RBFOX1: variants seen among roughly 807,000 people sequenced by gnomAD.
RBFOX1 encodes RNA binding fox-1 homolog 1.
A neutral mutation model predicts 57.7 loss-of-function variants in RBFOX1; 8 were observed. The ratio of observed to expected loss-of-function variants is 0.14; its 90% CI spans 0.08 to 0.25. The LOEUF (loss-of-function observed/expected upper bound fraction) is 0.25. RBFOX1 is among the 10% of genes least tolerant of loss of function. RBFOX1 has a pLI of 1.00. For synonymous variants in RBFOX1, 326 were observed against 222.4 expected, an observed-to-expected ratio of 1.47 and a Z score of -4.15; for missense variants, 611 against 548.5, an observed-to-expected ratio of 1.11 and a Z score of -1.14.
intron 3 of RBFOX1, among the ~76,000 whole-genome samples, chr16:5,712,265 C>T (rs1479138857): frequency 6.6e-6 from 1 of 152,196 alleles, no homozygotes; most frequent in Non-Finnish European, 1.5e-5. Flanking sequence ...GACACGAAGC[C>T]AAACCATATA....
intron 4 of RBFOX1, among the ~76,000 whole-genome samples, chr16:5,884,875 G>A (rs1037308595): frequency 5.9e-5 from 9 of 152,094 alleles, no homozygotes; most frequent in African/African-American, 1.4e-4. Context: ...AGCTTGGAGT[G>A]TCTTTCTCCC....
chr16:7,517,055 T>G (rs181134944), intron 4 of RBFOX1, among the ~76,000 whole-genome samples: 10 of 152,166 alleles, frequency 6.6e-5, no homozygotes, highest in Non-Finnish European at 1.3e-4. Flanking sequence ...TAAGTTTTTT[T>G]CCTCGCTCTG....
intron 3 of RBFOX1, among the ~76,000 whole-genome samples, chr16:5,655,850 G>C (rs1033656068): frequency 6.6e-6 from 1 of 152,194 alleles, no homozygotes; most frequent in Non-Finnish European, 1.5e-5. Flanking sequence ...GTTTGTCTTT[G>C]GAAGTACTTT....
At chr16:5,484,299 C>G (rs1269060615) in intron 2 of RBFOX1, among the ~76,000 whole-genome samples, 1 of 152,232 alleles carries the variant, frequency 6.6e-6, no homozygotes, top group Non-Finnish European at 1.5e-5. Flanking sequence ...TTCTGGCTGT[C>G]ATTTGGAGAT....
intron 4 of RBFOX1, among the ~76,000 whole-genome samples, chr16:7,413,312 C>G (rs1200343191): frequency 2.0e-5 from 3 of 152,098 alleles, no homozygotes; most frequent in Admixed American, 2.0e-4. Flanking sequence ...CCTCCTGCAT[C>G]TGACCCCCTG....
chr16:6,455,435 C>G (rs1261382010), intron 2 of RBFOX1, among the ~76,000 whole-genome samples: 1 of 152,156 alleles, frequency 6.6e-6, no homozygotes, highest in Middle Eastern at 3.2e-3. Flanking sequence ...CCAACCTTGA[C>G]CTTCAGCAAG....
chr16:6,536,108 G>C (rs529787173), intron 2 of RBFOX1, among the ~76,000 whole-genome samples: 22 of 152,266 alleles, frequency 1.4e-4, no homozygotes, highest in Non-Finnish European at 2.9e-4. Context: ...CCAATGCTTA[G>C]TAAGTATTGA....
intron 4 of RBFOX1, among the ~76,000 whole-genome samples, chr16:7,187,930 G>A (rs190416044): frequency 1.3e-5 from 2 of 152,096 alleles, no homozygotes; most frequent in Non-Finnish European, 2.9e-5. Flanking sequence ...GACCGCATGG[G>A]TCAAATCACA....
chr16:7,297,024 G>A lies in RBFOX1; in HGVS notation c.28-221123G>A, dbSNP rs111542061. Among the ~76,000 whole-genome samples the A allele has an allele frequency of 5.6e-3, 845 of 152,232 alleles. 6 individuals are homozygous for A. The highest frequency in any genetic ancestry group is 0.019 in the African/African-American group (804 of 41,534). ...GGGAAGAGCTGGGTTGAAAGATCCCGTTTTCCAAGCTTGCACTCCATGGGA... is the reference window on the plus strand; with the variant it reads ...GGGAAGAGCTGGGTTGAAAGATCCCATTTTCCAAGCTTGCACTCCATGGGA... On this transcript the variant is annotated intron_variant, in intron 4 of 15. Coordinates refer to ENST00000550418, the MANE Select transcript of RBFOX1 (RefSeq NM_018723.4).
At chr16:6,688,545 C>T (rs12102441) in intron 3 of RBFOX1, among the ~76,000 whole-genome samples, 11,813 of 152,132 alleles carry the variant, frequency 0.078, 507 homozygotes, top group African/African-American at 0.088. Flanking sequence ...TCCCAAGCAC[C>T]GTAGTGGGGA....
At chr16:7,374,513 T>C (rs890979550) in intron 4 of RBFOX1, among the ~76,000 whole-genome samples, 1 of 152,172 alleles carries the variant, frequency 6.6e-6, no homozygotes, top group Non-Finnish European at 1.5e-5. Flanking sequence ...ATATGTATAT[T>C]AATGCTTTTT....
At chr16:6,654,521 A>T in intron 2 of RBFOX1, 82 bp from the exon 3 acceptor site, 1 of 1,136,590 alleles carries the variant, frequency 8.8e-7, no homozygotes, top group Admixed American at 3.1e-5. Flanking sequence ...AGGGCATTTC[A>T]ACAACACCAC....
intron 4 of RBFOX1, among the ~76,000 whole-genome samples, chr16:7,149,110 C>G (rs187582834): frequency 1.3e-5 from 2 of 152,122 alleles, no homozygotes. Flanking sequence ...CTTTGAAAAC[C>G]CAGGTTTCCA....
intron 1 of RBFOX1, among the ~76,000 whole-genome samples, chr16:5,377,518 A>G (rs1464162367): frequency 6.9e-6 from 1 of 144,912 alleles, no homozygotes; most frequent in Non-Finnish European, 1.5e-5. Context: ...TGGGTGTGGG[A>G]GGGGAGGAAG....
At chr16:7,317,557 G>A (rs924064878) in intron 4 of RBFOX1, among the ~76,000 whole-genome samples, 2 of 152,126 alleles carry the variant, frequency 1.3e-5, no homozygotes, top group African/African-American at 4.8e-5. Flanking sequence ...CAAAGACAAA[G>A]GCACTCACCA....
intron 1 of RBFOX1, among the ~76,000 whole-genome samples, chr16:6,132,519 C>G (rs868256077): frequency 5.3e-5 from 8 of 152,126 alleles, no homozygotes; most frequent in Admixed American, 2.0e-4. Flanking sequence ...TATGGTATAG[C>G]CTTCTCTTTC....
At chr16:7,033,801 C>G (rs2043463280) in intron 3 of RBFOX1, among the ~76,000 whole-genome samples, 1 of 152,006 alleles carries the variant, frequency 6.6e-6, no homozygotes, top group Admixed American at 6.6e-5. Context: ...AACCTCATCT[C>G]TACTAAAAAT....
intron 3 of RBFOX1, among the ~76,000 whole-genome samples, chr16:6,659,876 C>T (rs1353936004): frequency 6.6e-6 from 1 of 152,070 alleles, no homozygotes; most frequent in African/African-American, 2.4e-5. Flanking sequence ...AGACCTGATT[C>T]GGTTCCTAGG....
intron 1 of RBFOX1, among the ~76,000 whole-genome samples, chr16:5,384,653 T>G (rs2066211753): frequency 6.6e-6 from 1 of 152,104 alleles, no homozygotes; most frequent in Non-Finnish European, 1.5e-5. Context: ...AAAAATGAAA[T>G]TTTATGATAG....
Sources: gnomAD v4.1 joint callset for allele counts (sites outside exome capture counted in the v4.1 genomes callset) on GRCh38, gnomAD v4.1.1 for gene constraint, MANE v1.5 for transcripts, NCBI Gene and HGNC (gene_info 2026-07-23, HGNC 2026-07-21) for gene names.